Variants in CAMK2G observed in about 807,000 individuals in gnomAD.
The protein encoded by CAMK2G is calcium/calmodulin dependent protein kinase II gamma.
In CAMK2G, 23 loss-of-function variants were observed where a neutral mutation model predicts 88.7. That is an observed-to-expected ratio of 0.26 (90% CI 0.19 to 0.37). The LOEUF is 0.37. CAMK2G is among the 10% of genes least tolerant of loss of function. The pLI is 1.00. For synonymous variants in CAMK2G, 263 were observed against 294.8 expected (o/e 0.89, Z 1.11); for missense variants, 476 against 780.8 (o/e 0.61, Z 4.65).
At chr10:73,816,403 C>G (rs750399267) in intron 21 of CAMK2G, 109 of 1,047,262 alleles carry the variant, frequency 1.0e-4, no homozygotes, top group Non-Finnish European at 1.2e-4. Flanking sequence ...GAGATCATCT[C>G]AACCTAATCT....
At chr10:73,847,864 C>T in intron 9 of CAMK2G, 124 bp downstream of exon 9, 2 of 618,892 alleles carry the variant, frequency 3.2e-6, no homozygotes, top group South Asian at 4.1e-5. Flanking sequence ...TTCCTGGGTC[C>T]TCAAAGTCCC....
At chr10:73,821,203 T>C (rs2088560565) in intron 18 of CAMK2G, among the ~76,000 whole-genome samples, 1 of 152,160 alleles carries the variant, frequency 6.6e-6, no homozygotes, top group African/African-American at 2.4e-5. Context: ...AAGCAATCCT[T>C]CTGCCCTGGC....
chr10:73,850,762 G>A (rs1022937728), intron 5 of CAMK2G, among the ~76,000 whole-genome samples: 2 of 152,204 alleles, frequency 1.3e-5, no homozygotes, highest in East Asian at 1.9e-4. Context: ...CCAAGGGGTC[G>A]TACTGGGTCC....
In CAMK2G at chr10:73,821,750, T is replaced by A; in HGVS notation, c.1201-20A>T. 6.3e-7 allele frequency: 1 copy of A among 1,599,460 alleles called. No homozygotes were observed. The highest frequency in any genetic ancestry group is 1.1e-5 in the South Asian group (1 of 89,836). On this transcript the variant is annotated intron_variant, in intron 17 of 22. Coordinates refer to ENST00000423381, the MANE Select transcript of CAMK2G (RefSeq NM_001367534.1). ...GGAGCCCTGTAGGCCAAAAAGAACA[T>A]GTTTCTATATGCTCCATCCCTTGGA...
chr10:73,833,417 G>A (rs1334492223), intron 14 of CAMK2G, among the ~76,000 whole-genome samples: 4 of 152,072 alleles, frequency 2.6e-5, no homozygotes, highest in Non-Finnish European at 5.9e-5. Context: ...TGACACACAG[G>A]CTGTTTTAGA....
Position 73,833,682 on chromosome 10 carries a change from G to GC in CAMK2G, c.1053+3785dup, listed in dbSNP as rs536321550. Reference sequence around the variant, plus strand: ...GTAATCCCAGCTCACGGCAACCTCTGCCCCCCGCAAGGTTCAAGTGATTCT... The same window carrying GC: ...GTAATCCCAGCTCACGGCAACCTCTGCCCCCCCGCAAGGTTCAAGTGATTCT... On this transcript the variant is annotated intron_variant, in intron 14 of 22. Coordinates refer to ENST00000423381, the MANE Select transcript of CAMK2G (RefSeq NM_001367534.1). Among the ~76,000 whole-genome samples the GC allele has an allele frequency of 1.1e-4, 17 of 149,368 alleles. No homozygotes were observed. The South Asian group carries it at 2.1e-3, about 19-fold the overall frequency.
rs547761583 is a variant in CAMK2G at position 73,826,149 on chromosome 10, G to A, written c.1087-802C>T. Among the ~76,000 whole-genome samples, 63 of 152,156 alleles carry A rather than the reference G, an allele frequency of 4.1e-4. 1 individual carries two copies. Among genetic ancestry groups the A allele is most frequent in the Non-Finnish European group, 8.4e-4 (57 of 68,026 alleles). On this transcript the variant is annotated intron_variant, in intron 15 of 22. Transcript: ENST00000423381. ...CCTTGCCTTTCAAAACTACATGGTG[G>A]TGGGTGGGCACGGTGGCTCACACCT... is the stretch of plus-strand genomic sequence containing the variant.
intron 21 of CAMK2G, among the ~76,000 whole-genome samples, 177 bp from the exon 22 acceptor site, chr10:73,815,424 A>T (rs560893334): frequency 1.3e-4 from 18 of 143,588 alleles, no homozygotes; most frequent in African/African-American, 4.3e-4. Context: ...ATGCCACATT[A>T]CATTAGTCTC....
At position 73,839,564 on chromosome 10, in the gene CAMK2G, C is replaced by A; in HGVS notation, c.984G>T (p.Ala328=). The change falls in exon 13 of 23, where the codon GCG becomes GCT. Residue 328 remains alanine, a synonymous_variant. Transcript: ENST00000423381. The surrounding 1 kb of genome is among the most constrained non-coding windows in gnomAD (Gnocchi z 4.2). ...CTTGCCCGGCCAGGCCGGCGGCGCTCGCGGCAGGCGAGGCGGGGGCGGAGC... is the reference window on the plus strand; with the variant it reads ...CTTGCCCGGCCAGGCCGGCGGCGCTAGCGGCAGGCGAGGCGGGGGCGGAGC... ...RQSSAPASPA[A]SAAGLAGQAA... The A allele has an allele frequency of 1.6e-6, 2 of 1,234,916 alleles. No homozygotes were observed. Among genetic ancestry groups the A allele is most frequent in the Non-Finnish European group, 2.0e-6 (2 of 987,918 alleles). The allele number at this position is 1,234,916 out of a possible 1,614,324, so 76.5% of individuals were successfully genotyped here. A position where few individuals can be genotyped will look rare whatever the true frequency, so the allele number is the denominator to read the frequency against.
At chr10:73,838,895 T>G (rs1034827770) in intron 13 of CAMK2G, among the ~76,000 whole-genome samples, 14 of 152,186 alleles carry the variant, frequency 9.2e-5, no homozygotes, top group African/African-American at 3.4e-4. Context: ...TCTTACGAGC[T>G]CCCAGGTAAC....
chr10:73,824,440 C>A (rs1188735093), intron 16 of CAMK2G, among the ~76,000 whole-genome samples: 1 of 152,210 alleles, frequency 6.6e-6, no homozygotes. Context: ...GGACTGAGGG[C>A]ACAGGCCGGG....
chr10:73,870,377 A>G (rs1323742550), intron 2 of CAMK2G, among the ~76,000 whole-genome samples: 1 of 152,202 alleles, frequency 6.6e-6, no homozygotes, highest in Non-Finnish European at 1.5e-5. Flanking sequence ...GACAGTGCTC[A>G]ACGCATATCC....
At chr10:73,853,582 C>T (rs2094806373) in intron 3 of CAMK2G, among the ~76,000 whole-genome samples, 2 of 152,332 alleles carry the variant, frequency 1.3e-5, no homozygotes, top group Admixed American at 1.3e-4. Flanking sequence ...TGAGATGCAG[C>T]GTGAGCAGCA....
chr10:73,874,449 C>G lies in CAMK2G; in HGVS notation c.13G>C (p.Ala5Pro). Residue 5 changes from alanine (A) to proline (P), a missense_variant, in exon 1 of 23, where the codon GCC (alanine) becomes CCC (proline). Coordinates refer to ENST00000423381, the MANE Select transcript of CAMK2G (RefSeq NM_001367534.1). Reference protein sequence around the residue: MATTATCTRFTDDYQ... With the variant: MATTPTCTRFTDDYQ... ...TCGTCGGTGAAACGGGTGCAGGTGG[C>G]GGTGGTGGCCATGCTGGCGGGCGGG... 1 of 1,518,148 alleles carries G rather than the reference C, an allele frequency of 6.6e-7. No homozygotes were observed. Among genetic ancestry groups the G allele is most frequent in the Non-Finnish European group, 8.9e-7 (1 of 1,123,980 alleles). The allele number at this position is 1,518,148 out of a possible 1,614,324, so 94.0% of individuals were successfully genotyped here.
chr10:73,854,776 AACC>A (rs1322703917), intron 3 of CAMK2G, among the ~76,000 whole-genome samples: 1 of 152,136 alleles, frequency 6.6e-6, no homozygotes, highest in African/African-American at 2.4e-5. Context: ...CGAGGCACTG[AACC>A]ACCACTATAG....
chr10:73,854,809 T>G lies in CAMK2G; in HGVS notation c.221-1563A>C, dbSNP rs1437624422. Among the ~76,000 whole-genome samples, 2 of 152,102 alleles carry G rather than the reference T, an allele frequency of 1.3e-5. 1 individual carries two copies. The highest frequency in any genetic ancestry group is 2.9e-5 in the Non-Finnish European group (2 of 68,022). The stretch of plus-strand genomic sequence containing the variant: ...CTATAGCCCCCTTGTTCTCCTCCCT[T>G]GATGACTGAGGACTCCGAAGCCTGC... On this transcript the variant is annotated intron_variant, in intron 3 of 22. Coordinates refer to ENST00000423381, the MANE Select transcript of CAMK2G (RefSeq NM_001367534.1).
intron 4 of CAMK2G, chr10:73,852,831 C>T (rs1423825070): frequency 2.2e-5 from 6 of 275,410 alleles, no homozygotes; most frequent in Middle Eastern, 1.1e-3. Context: ...GCCTGGTTTC[C>T]GACTAATGAA....
chr10:73,852,301 C>T lies in CAMK2G; in HGVS notation c.294G>A (p.Leu98=), dbSNP rs1232020700. The change falls in exon 5 of 23, where the codon CTG becomes CTA. Residue 98 remains leucine (L), a synonymous_variant. Transcript: ENST00000423381. ...ACTCTCTGGCCACAATGTCTTCAAA[C>T]AGCTCCCCGCCGGTAACACTGCAAC... ...LVFDLVTGGE[L]FEDIVAREYY... 1.1e-5 allele frequency: 17 copies of T among 1,613,980 alleles called. No homozygotes were observed. The highest frequency in any genetic ancestry group is 1.4e-5 in the Non-Finnish European group (16 of 1,179,964).
intron 14 of CAMK2G, among the ~76,000 whole-genome samples, chr10:73,833,909 G>GTTTTTTTTTT (rs778838628): frequency 1.6e-5 from 1 of 63,394 alleles, no homozygotes; most frequent in Non-Finnish European, 2.6e-5. Flanking sequence ...TATCTACTGG[G>GTTTTTTTTTT]TTTTTTTTTT....
Sources: allele counts gnomAD v4.1 joint callset (sites outside exome capture counted in the v4.1 genomes callset), GRCh38; gene constraint gnomAD v4.1.1; non-coding constraint Gnocchi (gnomAD v3.1); transcripts MANE v1.5; gene names NCBI Gene and HGNC (gene_info 2026-07-23, HGNC 2026-07-21).